The following CRADD variants were observed in gnomAD, a reference collection of about 807,000 sequenced individuals.
CRADD encodes CARD and death domain containing adaptor protein, also known as death domain-containing protein CRADD.
In CRADD, 9 loss-of-function variants were observed where a neutral mutation model predicts 15.5. That is an observed-to-expected ratio of 0.58 (90% CI 0.35 to 1.01). The LOEUF is 1.01. Ranked by LOEUF, CRADD falls within the 50% of genes least tolerant of loss-of-function variation. CRADD has a pLI of 0.02. For missense variants in CRADD, 227 were observed against 250.3 expected (o/e 0.91, Z 0.63); for synonymous variants, 118 against 107.6 (o/e 1.10, Z -0.60).
At chr12:93,829,807 C>T (rs1565930165) in intron 2 of CRADD, among the ~76,000 whole-genome samples, 1 of 152,114 alleles carries the variant, frequency 6.6e-6, no homozygotes. Context: ...ATTCTCATGC[C>T]TCAGGCTCCT....
intron 2 of CRADD, among the ~76,000 whole-genome samples, chr12:93,840,755 G>A (rs1390204855): frequency 6.6e-6 from 1 of 151,734 alleles, no homozygotes; most frequent in African/African-American, 2.4e-5. Flanking sequence ...TAGTGGAGAC[G>A]GGGGTTTCTC....
At chr12:93,892,483 G>A (rs1257976732) in intron 2 of CRADD, among the ~76,000 whole-genome samples, 1 of 152,088 alleles carries the variant, frequency 6.6e-6, no homozygotes, top group African/African-American at 2.4e-5. Context: ...ATGTGAGAGC[G>A]TTTTACCACA....
intron 2 of CRADD, among the ~76,000 whole-genome samples, chr12:93,864,836 A>G (rs1958350806): frequency 6.6e-6 from 1 of 152,234 alleles, no homozygotes; most frequent in Non-Finnish European, 1.5e-5. Flanking sequence ...CAAGTTATGT[A>G]ACTTCTCTGT....
rs193100652 is a variant in CRADD, at chr12:93,679,154, G to A, written c.298+82G>A. The A allele has an allele frequency of 1.2e-4, 143 of 1,181,012 alleles. No homozygotes were observed. In the East Asian group the frequency reaches 3.0e-3, roughly 25 times the overall value. 73.2% of individuals were successfully genotyped at this position (1,181,012 alleles called of 1,614,324 possible). ...TGCTTTTTTGTTTATTTGTTTGTTT[G>A]TTTTTGAGACAGAGTCTTGCTCTGT... On this transcript the variant is annotated intron_variant, in intron 2 of 2. Transcript: ENST00000332896.
chr12:93,879,971 G>T (rs1958484657), intron 2 of CRADD, among the ~76,000 whole-genome samples: 1 of 152,164 alleles, frequency 6.6e-6, no homozygotes, highest in Admixed American at 6.5e-5. Context: ...CCTACTCTAT[G>T]CCAGGAGCTA....
chr12:93,750,266 C>A (rs532947487), intron 2 of CRADD, among the ~76,000 whole-genome samples: 1 of 151,170 alleles, frequency 6.6e-6, no homozygotes, highest in South Asian at 2.1e-4. Flanking sequence ...ACAACTGAAT[C>A]GGGGCTTTAT....
At chr12:93,860,197 G>A (rs572415477) in intron 2 of CRADD, among the ~76,000 whole-genome samples, 2 of 151,590 alleles carry the variant, frequency 1.3e-5, no homozygotes, top group Non-Finnish European at 2.9e-5. Flanking sequence ...CATCTTAACT[G>A]TTTGCTTGTT....
intron 2 of CRADD, among the ~76,000 whole-genome samples, chr12:93,799,433 C>T (rs1957454391): frequency 6.6e-6 from 1 of 152,206 alleles, no homozygotes; most frequent in African/African-American, 2.4e-5. Flanking sequence ...ACCCTTTCTG[C>T]ATAGGGAGTA....
chr12:93,849,913 C>G (rs1958189626), intron 2 of CRADD, 57 bp from the exon 3 acceptor site: 1 of 1,008,378 alleles, frequency 9.9e-7, no homozygotes, highest in African/African-American at 1.6e-5. Flanking sequence ...ATTTCTGCCC[C>G]CAAATGATGT....
intron 2 of CRADD, among the ~76,000 whole-genome samples, chr12:93,756,689 T>TATAGGAGTAGA (rs1956893867): frequency 6.6e-6 from 1 of 152,222 alleles, no homozygotes; most frequent in South Asian, 2.1e-4. Flanking sequence ...AGCCTTTCTG[T>TATAGGAGTAGA]ATAGGAGTAG....
intron 2 of CRADD, among the ~76,000 whole-genome samples, chr12:93,728,745 A>G (rs1956412367): frequency 6.6e-6 from 1 of 152,252 alleles, no homozygotes; most frequent in Non-Finnish European, 1.5e-5. Context: ...CATAGATGCA[A>G]AAATCATCAA....
At chr12:93,696,773 A>G (rs1188223429) in intron 2 of CRADD, among the ~76,000 whole-genome samples, 1 of 152,234 alleles carries the variant, frequency 6.6e-6, no homozygotes, top group Non-Finnish European at 1.5e-5. Flanking sequence ...AAAAAATAAC[A>G]ATTCAGCAAT....
At chr12:93,831,826 TCA>T (rs1957907540) in intron 2 of CRADD, among the ~76,000 whole-genome samples, 1 of 152,240 alleles carries the variant, frequency 6.6e-6, no homozygotes, top group African/African-American at 2.4e-5. Flanking sequence ...TGCAGTCAGG[TCA>T]CTGATTTGGA....
At chr12:93,871,921 T>C (rs1958423919) in intron 2 of CRADD, among the ~76,000 whole-genome samples, 2 of 152,222 alleles carry the variant, frequency 1.3e-5, no homozygotes, top group African/African-American at 2.4e-5. Flanking sequence ...CTTTTGGGTA[T>C]ATACCTAGCA....
chr12:93,728,029 C>T (rs973516755), intron 2 of CRADD, among the ~76,000 whole-genome samples: 1 of 152,162 alleles, frequency 6.6e-6, no homozygotes, highest in Non-Finnish European at 1.5e-5. Context: ...TGTTTATCTG[C>T]CCCCTGGACT....
At chr12:93,825,827 A>G (rs2137023939) in intron 2 of CRADD, among the ~76,000 whole-genome samples, 1 of 152,352 alleles carries the variant, frequency 6.6e-6, no homozygotes, top group South Asian at 2.1e-4. Flanking sequence ...TTGATGCCAC[A>G]GAGGAAGACA....
intron 2 of CRADD, among the ~76,000 whole-genome samples, chr12:93,838,725 T>A (rs1263646787): frequency 6.6e-6 from 1 of 152,076 alleles, no homozygotes; most frequent in Non-Finnish European, 1.5e-5. Flanking sequence ...TTTATTTGTG[T>A]GTGTTTTTGT....
intron 2 of CRADD, among the ~76,000 whole-genome samples, chr12:93,887,027 T>C (rs897778925): frequency 1.3e-5 from 2 of 152,346 alleles, no homozygotes; most frequent in East Asian, 1.9e-4. Context: ...CCCACAGTTA[T>C]AAGCCTATAA....
chr12:93,863,652 C>T (rs1215375642), intron 2 of CRADD, among the ~76,000 whole-genome samples: 3 of 114,962 alleles, frequency 2.6e-5, no homozygotes, highest in African/African-American at 9.9e-5. Context: ...GTGAAGCTGT[C>T]ATCATACATT....
Sources: gnomAD v4.1 joint callset for allele counts (sites outside exome capture counted in the v4.1 genomes callset) on GRCh38, gnomAD v4.1.1 for gene constraint, MANE v1.5 for transcripts, NCBI Gene and HGNC (gene_info 2026-07-23, HGNC 2026-07-21) for gene names.